The following CHD8 variants were observed in gnomAD, a reference collection of about 807,000 sequenced individuals.
The protein encoded by CHD8 is chromodomain helicase DNA binding protein 8, also known as ATP-dependent chromatin remodeler CHD8.
A neutral mutation model predicts 279.2 loss-of-function variants in CHD8; 31 were observed. The ratio of observed to expected loss-of-function variants is 0.11; its 90% CI spans 0.08 to 0.15. The LOEUF (loss-of-function observed/expected upper bound fraction) is 0.15. Among genes scored for constraint, CHD8 ranks in the 10% least tolerant of loss-of-function variants. The probability of loss-of-function intolerance (pLI) is 1.00; values close to 1 mark genes in which losing one functional copy is unlikely to be tolerated. For synonymous variants in CHD8, 1,081 were observed against 1,139.6 expected, an observed-to-expected ratio of 0.95 and a Z score of 1.04; for missense variants, 2,146 against 3,230.5, an observed-to-expected ratio of 0.66 and a Z score of 8.14.
intron 5 of CHD8, among the ~76,000 whole-genome samples, chr14:21,417,128 C>G (rs1241322348): frequency 6.6e-6 from 1 of 151,994 alleles, no homozygotes; most frequent in Non-Finnish European, 1.5e-5. Context: ...TTGTTTCACC[C>G]AACAGACTGG....
chr14:21,445,727 C>A (rs1199002888), intron 1 of CHD8, among the ~76,000 whole-genome samples: 2 of 138,322 alleles, frequency 1.4e-5, no homozygotes, highest in African/African-American at 5.6e-5. Flanking sequence ...GTCAGCTGGG[C>A]ACGGTGGCTA....
intron 2 of CHD8, chr14:21,429,627 T>A: frequency 2.1e-6 from 1 of 473,710 alleles, no homozygotes; most frequent in Non-Finnish European, 4.0e-6. Flanking sequence ...GGCCAATTCA[T>A]CCCTCCTTAG....
intron 37 of CHD8, among the ~76,000 whole-genome samples, chr14:21,388,364 A>G (rs207474495): frequency 6.6e-6 from 1 of 152,260 alleles, no homozygotes; most frequent in Non-Finnish European, 1.5e-5. Context: ...TACAGATTTT[A>G]AAACAATACC....
At position 21,408,660 on chromosome 14, in the gene CHD8, T is replaced by A. The variant is rs1239320587; in HGVS notation, c.2486+44A>T. ...TTCAATAGAAAACAAATAAAAATAATCCCAGAACTAAGCTTACATCTTATG... is the reference window on the plus strand; with the variant it reads ...TTCAATAGAAAACAAATAAAAATAAACCCAGAACTAAGCTTACATCTTATG... On this transcript the variant is annotated intron_variant, in intron 12 of 37. Transcript: ENST00000646647. This position sits in a 1 kb window ranked among gnomAD's most constrained non-coding sequence, Gnocchi z 4.3. 2 of 1,586,452 alleles carry A rather than the reference T, an allele frequency of 1.3e-6. No individual in the cohort carries two copies. Among genetic ancestry groups the A allele is most frequent in the Non-Finnish European group, 1.7e-6 (2 of 1,167,430 alleles).
chr14:21,450,235 C>T lies in CHD8; in HGVS notation c.-216+5797G>A, dbSNP rs751034654. The stretch of plus-strand genomic sequence containing the variant: ...ATCTGATAAAATCATGTTCCATACA[C>T]GAAATTCTGTTATGATTTGGGTGTA... On this transcript the variant is annotated intron_variant, in intron 1 of 37. Coordinates refer to ENST00000646647, the MANE Select transcript of CHD8 (RefSeq NM_001170629.2). 5.1e-4 allele frequency among the ~76,000 whole-genome samples: 78 copies of T among 152,276 alleles called. 1 individual carries two copies. Among genetic ancestry groups the T allele is most frequent in the Non-Finnish European group, 3.2e-4 (22 of 68,020 alleles).
At chr14:21,388,995 T>C (rs1222270345) in intron 37 of CHD8, among the ~76,000 whole-genome samples, 2 of 152,210 alleles carry the variant, frequency 1.3e-5, no homozygotes, top group African/African-American at 4.8e-5. Context: ...CAATGATTTA[T>C]GTATGCTTTA....
chr14:21,410,101 C>T (rs1015879273), intron 10 of CHD8, 113 bp from the exon 11 acceptor site: 19 of 1,075,844 alleles, frequency 1.8e-5, no homozygotes, highest in Admixed American at 1.3e-4. Flanking sequence ...ACCTAGAAGC[C>T]GTTGAAAAAG....
At position 21,414,308 on chromosome 14, in the gene CHD8, A is replaced by C. The variant is rs1888627759; in HGVS notation, c.2135T>G (p.Phe712Cys). 2 of 1,476,012 alleles carry C rather than the reference A, an allele frequency of 1.4e-6. No individual in the cohort carries two copies. Among genetic ancestry groups the C allele is most frequent in the South Asian group, 2.4e-5 (2 of 83,346 alleles). 91.4% of individuals were successfully genotyped at this position (1,476,012 alleles called of 1,614,324 possible). ...KTKMAQMRHFFHEDEEPFNPD... is the reference protein window; with the variant it reads ...KTKMAQMRHFCHEDEEPFNPD... ...ATACCTATTCCTAATTACCTCATGG[A>C]AGAAGTGTCTCATCTGAGCCATTTT... is the stretch of plus-strand genomic sequence containing the variant. The change falls in exon 9 of 38, where the codon TTC becomes TGC. Residue 712 changes from phenylalanine to cysteine, a missense_variant. Phe to Cys is a radical substitution (Grantham distance 205, BLOSUM62 -2). Around this residue, in one of 26 missense-constraint regions of CHD8, gnomAD observed 211 missense variants for 464.7 expected, o/e 0.45. Coordinates refer to ENST00000646647, the MANE Select transcript of CHD8 (RefSeq NM_001170629.2).
At chr14:21,398,998 A>G (rs1158877014) in intron 26 of CHD8, 12 of 416,350 alleles carry the variant, frequency 2.9e-5, no homozygotes, top group African/African-American at 2.5e-4. Flanking sequence ...ACCAGTGAAA[A>G]TGTCAAAGCC....
chr14:21,388,067 C>T (rs1350708405), intron 37 of CHD8, among the ~76,000 whole-genome samples: 4 of 152,132 alleles, frequency 2.6e-5, no homozygotes, highest in African/African-American at 4.8e-5. Flanking sequence ...TTGTTCTCAT[C>T]GAGGCTAACA....
chr14:21,434,287 G>A (rs1889686579), intron 1 of CHD8, among the ~76,000 whole-genome samples: 1 of 151,954 alleles, frequency 6.6e-6, no homozygotes, highest in Non-Finnish European at 1.5e-5. Flanking sequence ...TCAGAGGTGA[G>A]CCGTCGCCTC....
intron 4 of CHD8, 37 bp from the exon 5 acceptor site, chr14:21,426,279 C>A: frequency 1.8e-6 from 2 of 1,121,694 alleles, no homozygotes; most frequent in Non-Finnish European, 2.6e-6. Flanking sequence ...TCAGTGAAAG[C>A]AAAGAAAATT....
chr14:21,403,365 G>A lies in CHD8; in HGVS notation c.3518+88C>T, dbSNP rs1888115906. 1 of 1,283,300 alleles carries A rather than the reference G, an allele frequency of 7.8e-7. No homozygotes were observed. The highest frequency in any genetic ancestry group is 1.5e-5 in the African/African-American group (1 of 67,038). 79.5% of individuals were successfully genotyped at this position (1,283,300 alleles called of 1,614,324 possible). A position where few individuals can be genotyped will look rare whatever the true frequency, so the allele number is the denominator to read the frequency against. On this transcript the variant is annotated intron_variant, in intron 17 of 37. Transcript: ENST00000646647. This position sits in a 1 kb window ranked among gnomAD's most constrained non-coding sequence, Gnocchi z 4.3. ...CTTAAAAACTTCTCTTATTGCAATTGGTGAACTCTAATTAAATCCAGGCCC... is the reference window on the plus strand; with the variant it reads ...CTTAAAAACTTCTCTTATTGCAATTAGTGAACTCTAATTAAATCCAGGCCC...
chr14:21,441,898 C>CAAAG (rs1889984965), intron 1 of CHD8, among the ~76,000 whole-genome samples: 1 of 151,164 alleles, frequency 6.6e-6, no homozygotes, highest in African/African-American at 2.4e-5. Flanking sequence ...CAAAAACAAA[C>CAAAG]AAACAAACAA....
chr14:21,426,107 A>G (rs1889305469), intron 5 of CHD8, 21 bp downstream of exon 5: 2 of 1,425,286 alleles, frequency 1.4e-6, no homozygotes, highest in Admixed American at 3.6e-5. Context: ...TTTCTACTAA[A>G]TTCTTTTGGG....
At chr14:21,444,737 A>G (rs1890071206) in intron 1 of CHD8, among the ~76,000 whole-genome samples, 2 of 151,884 alleles carry the variant, frequency 1.3e-5, no homozygotes, top group African/African-American at 2.4e-5. Flanking sequence ...CTTTTTTCCT[A>G]TACCACCCCT....
chr14:21,385,608 G>A lies in CHD8; in HGVS notation c.*5C>T, dbSNP rs1207287151. On this transcript the variant is annotated 3_prime_UTR_variant, in exon 38 of 38. Coordinates refer to ENST00000646647, the MANE Select transcript of CHD8 (RefSeq NM_001170629.2). ...CGCCCAAGCAATGGGGCCCATGCTG[G>A]GGCTTCAGTCATCAGCATCTTCACT... 1.3e-6 allele frequency: 2 copies of A among 1,549,300 alleles called. No individual in the cohort carries two copies. The highest frequency in any genetic ancestry group is 2.4e-5 in the East Asian group (1 of 40,914).
At chr14:21,412,864 G>A in intron 10 of CHD8, 49 bp downstream of exon 10, 1 of 1,160,104 alleles carries the variant, frequency 8.6e-7, no homozygotes, top group Non-Finnish European at 1.3e-6. Context: ...AAACCCACCA[G>A]CAGAAATCTA....
intron 37 of CHD8, among the ~76,000 whole-genome samples, chr14:21,388,972 A>G (rs539472920): frequency 1.2e-4 from 18 of 152,322 alleles, no homozygotes; most frequent in Non-Finnish European, 2.2e-4. Flanking sequence ...AAATGACTCT[A>G]TGTCATTTAA....
Sources: allele counts gnomAD v4.1 joint callset (sites outside exome capture counted in the v4.1 genomes callset), GRCh38; gene constraint gnomAD v4.1.1; regional missense constraint gnomAD v4.1.1; non-coding constraint Gnocchi (gnomAD v3.1); transcripts MANE v1.5; gene names NCBI Gene and HGNC (gene_info 2026-07-23, HGNC 2026-07-21).